The following PHF14 variants were observed in gnomAD, a reference collection of about 807,000 sequenced individuals.
PHF14 encodes the protein PHD finger protein 14.
Under a neutral mutation model 117.9 loss-of-function variants are expected in PHF14, and 55 were observed. The observed-to-expected ratio is 0.47, with a 90% CI of 0.38 to 0.58. The LOEUF is 0.58. Among genes scored for constraint, PHF14 ranks in the 20% least tolerant of loss-of-function variants. PHF14 has a pLI of 0.00. For missense variants in PHF14, 978 were observed against 1,122.2 expected, an observed-to-expected ratio of 0.87 and a Z score of 1.84; for synonymous variants, 409 against 368.6, an observed-to-expected ratio of 1.11 and a Z score of -1.26.
chr7:11,013,640 G>A, intron 4 of PHF14, 107 bp from the exon 5 acceptor site: 2 of 579,196 alleles, frequency 3.5e-6, no homozygotes, highest in African/African-American at 3.7e-5. Context: ...AACCATTGGT[G>A]TTTCATATCT....
At chr7:11,149,302 T>A (rs1161219700) in intron 17 of PHF14, among the ~76,000 whole-genome samples, 1 of 152,166 alleles carries the variant, frequency 6.6e-6, no homozygotes, top group Non-Finnish European at 1.5e-5. Flanking sequence ...TTATGGTCAG[T>A]ACTGACTCGT....
At chr7:11,122,429 G>GTATA (rs1469918569) in intron 17 of PHF14, among the ~76,000 whole-genome samples, 29 of 86,262 alleles carry the variant, frequency 3.4e-4, no homozygotes, top group African/African-American at 1.2e-3. Context: ...ATATATACAC[G>GTATA]TATATATATA....
chr7:11,164,901 T>C (rs1789155073), intron 17 of PHF14, among the ~76,000 whole-genome samples: 2 of 152,200 alleles, frequency 1.3e-5, no homozygotes, highest in Non-Finnish European at 2.9e-5. Context: ...CTGTGATAGT[T>C]CCAAGTCTTG....
chr7:11,004,199 A>T (rs1389387155), intron 4 of PHF14, among the ~76,000 whole-genome samples: 1 of 144,298 alleles, frequency 6.9e-6, no homozygotes, highest in Admixed American at 7.1e-5. Context: ...GTGAACCAAG[A>T]TTGCACCACT....
rs866637437 is a variant in PHF14 at position 10,990,718 on chromosome 7, G to A, written c.916G>A (p.Glu306Lys). ...SKSNEDSLIL[E>K]KSQNWSSQKM... Reference sequence around the variant, plus strand: ...TTAATATTAGGACTCGCTGATTCTTGAGAAGAGTCAAAACTGGAGCTCTCA... The same window carrying A: ...TTAATATTAGGACTCGCTGATTCTTAAGAAGAGTCAAAACTGGAGCTCTCA... The change falls in exon 4 of 18, where the codon GAG becomes AAG. Residue 306 changes from glutamate to lysine, a missense_variant. Glu to Lys is a moderately conservative substitution (Grantham distance 56). This residue lies in a region of PHF14 where 414 missense variants were observed against 376.4 expected (regional missense o/e 1.10). Coordinates refer to ENST00000634607, the MANE Select transcript of PHF14 (RefSeq NM_001007157.2). The A allele has an allele frequency of 6.5e-7, 1 of 1,546,208 alleles. No homozygotes were observed. The highest frequency in any genetic ancestry group is 8.8e-7 in the Non-Finnish European group (1 of 1,139,232).
At chr7:11,103,055 T>C (rs1787143417) in intron 16 of PHF14, 2 of 983,968 alleles carry the variant, frequency 2.0e-6, no homozygotes, top group Non-Finnish European at 2.4e-6. Context: ...TAGATTCATA[T>C]ATGAAGTACT....
chr7:11,033,287 A>T (rs1784186630), intron 7 of PHF14, among the ~76,000 whole-genome samples: 1 of 152,184 alleles, frequency 6.6e-6, no homozygotes. Flanking sequence ...GGCGGATTGG[A>T]TACTGAGGGG....
intron 6 of PHF14, among the ~76,000 whole-genome samples, chr7:11,026,262 A>G (rs1226124236): frequency 6.6e-6 from 1 of 152,218 alleles, no homozygotes; most frequent in Non-Finnish European, 1.5e-5. Flanking sequence ...AGTGATCATT[A>G]ACATTTTTTA....
intron 17 of PHF14, among the ~76,000 whole-genome samples, chr7:11,167,800 G>A (rs1323962149): frequency 1.3e-5 from 2 of 152,066 alleles, no homozygotes; most frequent in Non-Finnish European, 2.9e-5. Flanking sequence ...AGGCTGAGGC[G>A]GGGCAGATCA....
chr7:11,155,361 A>G (rs1788810986), intron 17 of PHF14, among the ~76,000 whole-genome samples: 1 of 152,190 alleles, frequency 6.6e-6, no homozygotes, highest in Admixed American at 6.5e-5. Flanking sequence ...AACAAATATG[A>G]AGTATGTCAG....
intron 16 of PHF14, among the ~76,000 whole-genome samples, chr7:11,068,116 C>T (rs1253859897): frequency 1.2e-4 from 18 of 151,972 alleles, no homozygotes. Flanking sequence ...TTCGGAAGGC[C>T]AAGGCAGGTG....
At chr7:11,035,615 A>G (rs369297521) in intron 7 of PHF14, 25 bp from the exon 8 acceptor site, 111 of 1,514,300 alleles carry the variant, frequency 7.3e-5, no homozygotes, top group Non-Finnish European at 9.2e-5. Flanking sequence ...AATGTTCACT[A>G]TTTTTCTGTG....
intron 4 of PHF14, chr7:11,006,251 C>T (rs1439400746): frequency 2.8e-6 from 1 of 359,582 alleles, no homozygotes; most frequent in African/African-American, 2.1e-5. Context: ...TGTGCATTCA[C>T]CTTATTAAGA....
At chr7:11,166,628 C>A (rs907818092) in intron 17 of PHF14, among the ~76,000 whole-genome samples, 11 of 152,052 alleles carry the variant, frequency 7.2e-5, no homozygotes, top group African/African-American at 2.7e-4. Flanking sequence ...AAATCTATTA[C>A]TGTTATTTTG....
At chr7:11,141,544 C>T (rs1421960131) in intron 17 of PHF14, among the ~76,000 whole-genome samples, 1 of 151,972 alleles carries the variant, frequency 6.6e-6, no homozygotes, top group Non-Finnish European at 1.5e-5. Flanking sequence ...AAAATGTTTT[C>T]TCATTGTTTT....
intron 7 of PHF14, among the ~76,000 whole-genome samples, chr7:11,031,933 G>A (rs913052789): frequency 2.0e-5 from 3 of 152,174 alleles, no homozygotes; most frequent in African/African-American, 4.8e-5. Context: ...GAACATTGCT[G>A]TACTCTGTTC....
intron 2 of PHF14, among the ~76,000 whole-genome samples, chr7:10,975,249 ATAT>A (rs1459207246): frequency 6.6e-6 from 1 of 152,246 alleles, no homozygotes; most frequent in Middle Eastern, 3.2e-3. Flanking sequence ...AAACTGAAAG[ATAT>A]CCCGAAGTAG....
chr7:10,979,266 AT>A (rs1781975010), intron 2 of PHF14, among the ~76,000 whole-genome samples: 1 of 152,066 alleles, frequency 6.6e-6, no homozygotes, highest in East Asian at 1.9e-4. Context: ...AATTTATTTT[AT>A]TTTTTTGTCT....
At chr7:11,106,842 T>C (rs1214065233) in intron 16 of PHF14, 2 of 983,966 alleles carry the variant, frequency 2.0e-6, no homozygotes, top group African/African-American at 3.5e-5. Flanking sequence ...TGGACAGACA[T>C]AATAGTCTAT....
Sources: gnomAD v4.1 joint callset for allele counts (sites outside exome capture counted in the v4.1 genomes callset) on GRCh38, gnomAD v4.1.1 for gene constraint, gnomAD v4.1.1 regional missense constraint, MANE v1.5 for transcripts, NCBI Gene and HGNC (gene_info 2026-07-23, HGNC 2026-07-21) for gene names.